The following ANKRD36 variants were observed in gnomAD, a reference collection of about 807,000 sequenced individuals.
ANKRD36 encodes ankyrin repeat domain-containing protein 36A.
ANKRD36 carries 179 observed loss-of-function variants against 278.1 expected under a neutral mutation model. That is an observed-to-expected ratio of 0.64 (90% CI 0.57 to 0.73). The LOEUF (loss-of-function observed/expected upper bound fraction) is 0.73, where lower values mean the gene tolerates loss of function less well. Among genes scored for constraint, ANKRD36 ranks in the 30% least tolerant of loss-of-function variants. The pLI is 0.00. For missense variants in ANKRD36, 1,159 were observed against 1,956.7 expected (o/e 0.59, Z 7.69); for synonymous variants, 320 against 641.1 (o/e 0.50, Z 7.57).
In ANKRD36 at chr2:97,243,876, A is replaced by C. The variant is rs776761784; in HGVS notation, c.4338A>C (p.Arg1446Ser). ...CCATACAGCAAGAAAAAAAGAAAAG[A>C]AGAAATGTTGAAGAGGTGCACCAAA... is the stretch of plus-strand genomic sequence containing the variant. ...RFAIQQEKKKRRNVEEVHQKV... is the reference protein window; with the variant it reads ...RFAIQQEKKKSRNVEEVHQKV... The change falls in exon 70 of 76, where the codon AGA (arginine) becomes AGC (serine). Residue 1446 changes from arginine to serine, a missense_variant. Physicochemically the swap from Arg to Ser is moderately radical, Grantham distance 110. Transcript: ENST00000420699. 1.9e-6 allele frequency: 3 copies of C among 1,606,058 alleles called. No individual in the cohort carries two copies. The Admixed American group carries it at 5.1e-5, about 27-fold the overall frequency.
intron 68 of ANKRD36, among the ~76,000 whole-genome samples, chr2:97,235,290 C>A (rs1419072837): frequency 6.6e-6 from 1 of 151,240 alleles, no homozygotes; most frequent in Non-Finnish European, 1.5e-5. Context: ...CACTGCATTG[C>A]CATCCTGCCT....
intron 22 of ANKRD36, among the ~76,000 whole-genome samples, chr2:97,177,340 A>G (rs1416134052): frequency 1.3e-5 from 2 of 151,918 alleles, no homozygotes; most frequent in Non-Finnish European, 2.9e-5. Flanking sequence ...TAAAGTTCAT[A>G]TAGAACCAAA....
chr2:97,202,811 A>T (rs980326396), intron 48 of ANKRD36, among the ~76,000 whole-genome samples: 1 of 151,834 alleles, frequency 6.6e-6, no homozygotes. Flanking sequence ...AGAAGTAAGG[A>T]GACCCTTGTT....
intron 8 of ANKRD36, 77 bp downstream of exon 8, chr2:97,142,912 G>C: frequency 1.4e-6 from 2 of 1,453,384 alleles, no homozygotes; most frequent in Non-Finnish European, 1.8e-6. Flanking sequence ...AAATCGCAGG[G>C]AGCTCATTGA....
rs12996352 is a variant in ANKRD36, at chr2:97,183,482, T to C, written c.1861T>C (p.Trp621Arg). 0.7 allele frequency: 1,100,988 copies of C among 1,563,446 alleles called. 413,036 individuals carry two copies. Among genetic ancestry groups the C allele is most frequent in the Non-Finnish European group, 0.78 (905,694 of 1,154,024 alleles). The stretch of plus-strand genomic sequence containing the variant: ...AGTGTCTCCTCAGAAACAATCGGCC[T>C]GGAAGGTAGTTACTCTTTCATTTAT... ...GTVSPQKQSA[W>R]KVIFKKKVSL... The change falls in exon 27 of 76, where the codon TGG becomes CGG. Residue 621 changes from tryptophan to arginine, a missense_variant. Physicochemically the swap from Trp to Arg is moderately radical, Grantham distance 101. Coordinates refer to ENST00000420699, the MANE Select transcript of ANKRD36 (RefSeq NM_001354587.1).
At chr2:97,172,791 A>G (rs2052981905) in intron 22 of ANKRD36, among the ~76,000 whole-genome samples, 3 of 151,478 alleles carry the variant, frequency 2.0e-5, no homozygotes. Context: ...TGATGAAGAA[A>G]CACCCCGTAA....
chr2:97,204,510 A>G lies in ANKRD36; in HGVS notation c.3061+247A>G, dbSNP rs3926003. On this transcript the variant is annotated intron_variant, in intron 50 of 75. Coordinates refer to ENST00000420699, the MANE Select transcript of ANKRD36 (RefSeq NM_001354587.1). ...AGAAATATGGAGAGCAGTTCAAGGC[A>G]TAAGGGGCTCCGGGGAACAACATAA... Among the ~76,000 whole-genome samples, 73,452 of 138,592 alleles carry G rather than the reference A, an allele frequency of 0.53. 19,764 individuals carry two copies. The highest frequency in any genetic ancestry group is 0.7 in the Non-Finnish European group (41,850 of 59,550). The allele number at this position is 138,592 out of a possible 152,430, so 90.9% of individuals were successfully genotyped here.
intron 22 of ANKRD36, among the ~76,000 whole-genome samples, chr2:97,171,773 A>G (rs2052625995): frequency 6.6e-6 from 1 of 151,926 alleles, no homozygotes; most frequent in Non-Finnish European, 1.5e-5. Flanking sequence ...AGATAAATTA[A>G]AGACTTAAAC....
chr2:97,196,996 T>C (rs1374626307), intron 42 of ANKRD36, among the ~76,000 whole-genome samples: 92 of 151,872 alleles, frequency 6.1e-4, no homozygotes, highest in African/African-American at 2.2e-3. Flanking sequence ...TTCCACACTT[T>C]GAAGTTGGGA....
At chr2:97,179,642 A>G in intron 22 of ANKRD36, 96 bp from the exon 23 acceptor site, 4 of 1,523,580 alleles carry the variant, frequency 2.6e-6, no homozygotes, top group Non-Finnish European at 2.6e-6. Flanking sequence ...AGGCAGGAGT[A>G]CAAAACTTGA....
At chr2:97,240,574 A>G (rs2153686643) in intron 68 of ANKRD36, among the ~76,000 whole-genome samples, 1 of 100,628 alleles carries the variant, frequency 9.9e-6, no homozygotes, top group Middle Eastern at 3.8e-3. Context: ...TCTATGTCAG[A>G]TTTTCTCCCT....
At chr2:97,129,194 G>A (rs548827762) in intron 6 of ANKRD36, among the ~76,000 whole-genome samples, 164 of 152,032 alleles carry the variant, frequency 1.1e-3, no homozygotes, top group Admixed American at 1.8e-3. Flanking sequence ...ATCTCATTGT[G>A]GTTTTGATTT....
chr2:97,180,723 T>C (rs200741984), intron 24 of ANKRD36, among the ~76,000 whole-genome samples: 1 of 151,722 alleles, frequency 6.6e-6, no homozygotes, highest in East Asian at 1.9e-4. Flanking sequence ...AGGTATTTAA[T>C]GAAACTTCCT....
At chr2:97,146,683 AT>A (rs2153457246) in intron 11 of ANKRD36, among the ~76,000 whole-genome samples, 167 bp downstream of exon 11, 1 of 151,982 alleles carries the variant, frequency 6.6e-6, no homozygotes, top group East Asian at 1.9e-4. Flanking sequence ...TTGTGCTGTT[AT>A]TGCTTTTTTA....
At position 97,118,088 on chromosome 2, in the gene ANKRD36, C is replaced by T. The variant is rs1401343915; in HGVS notation, c.222C>T (p.Ala74=). 3.2e-6 allele frequency: 5 copies of T among 1,555,868 alleles called. No homozygotes were observed. The African/African-American group carries it at 6.8e-5, about 21-fold the overall frequency. Reference sequence around the variant, plus strand: ...GGACCGCCCTACATTTGGCCTGTGCCACTGGCCAACCGGAAATGGTACATC... The same window carrying T: ...GGACCGCCCTACATTTGGCCTGTGCTACTGGCCAACCGGAAATGGTACATC... ...KERTALHLAC[A]TGQPEMVHLL... Residue 74 remains alanine, a synonymous_variant, in exon 2 of 76, where the codon GCC becomes GCT. Coordinates refer to ENST00000420699, the MANE Select transcript of ANKRD36 (RefSeq NM_001354587.1).
At chr2:97,196,518 C>T (rs528720313) in intron 40 of ANKRD36, 75 bp from the exon 41 acceptor site, 92 of 1,591,192 alleles carry the variant, frequency 5.8e-5, no homozygotes, top group Middle Eastern at 4.4e-4. Flanking sequence ...GAGGTTGATG[C>T]TAACTCTGCT....
At chr2:97,227,736 A>G (rs979646501) in intron 67 of ANKRD36, among the ~76,000 whole-genome samples, 7 of 152,246 alleles carry the variant, frequency 4.6e-5, no homozygotes, top group Admixed American at 3.3e-4. Context: ...GAATGCTTCC[A>G]GTTTTTGCCC....
At chr2:97,159,704 A>C (rs1366633694) in intron 17 of ANKRD36, among the ~76,000 whole-genome samples, 1 of 149,632 alleles carries the variant, frequency 6.7e-6, no homozygotes, top group Non-Finnish European at 1.5e-5. Context: ...TGATAATAAG[A>C]GGGAAAATAA....
chr2:97,156,332 C>T (rs2047427077), intron 15 of ANKRD36, among the ~76,000 whole-genome samples: 1 of 145,400 alleles, frequency 6.9e-6, no homozygotes, highest in Admixed American at 6.8e-5. Context: ...AACTCGTCAT[C>T]TAGCATCAGG....
Sources: allele counts gnomAD v4.1 joint callset (sites outside exome capture counted in the v4.1 genomes callset), GRCh38; gene constraint gnomAD v4.1.1; transcripts MANE v1.5; gene names NCBI Gene and HGNC (gene_info 2026-07-23, HGNC 2026-07-21).